Variants in COBLL1 observed in about 807,000 individuals in gnomAD.
COBLL1 encodes the protein cordon-bleu WH2 repeat protein like 1.
Under a neutral mutation model 94.8 loss-of-function variants are expected in COBLL1, and 50 were observed. The observed-to-expected ratio is 0.53, with a 90% confidence interval of 0.42 to 0.67. COBLL1 has a LOEUF of 0.67. COBLL1 is among the 30% of genes least tolerant of loss of function. The pLI, the probability that COBLL1 is intolerant of heterozygous loss-of-function variation, is 0.00. For missense variants in COBLL1, 1,362 were observed against 1,348.7 expected (o/e 1.01, Z -0.15); for synonymous variants, 448 against 473.8 (o/e 0.95, Z 0.71).
chr2:164,839,474 G>A (rs1042093774), intron 2 of COBLL1, among the ~76,000 whole-genome samples: 3 of 152,158 alleles, frequency 2.0e-5, no homozygotes, highest in African/African-American at 7.2e-5. Context: ...TCTTACTACA[G>A]TTATGCTTGC....
chr2:164,840,446 G>T (rs1317199229), intron 2 of COBLL1, among the ~76,000 whole-genome samples: 1 of 152,038 alleles, frequency 6.6e-6, no homozygotes, highest in East Asian at 1.9e-4. Flanking sequence ...TTACTCAAAC[G>T]CTTAACAAGG....
At chr2:164,823,495 T>C (rs571591265) in intron 2 of COBLL1, among the ~76,000 whole-genome samples, 1 of 152,210 alleles carries the variant, frequency 6.6e-6, no homozygotes, top group South Asian at 2.1e-4. Context: ...TTACCCTCCT[T>C]CACCGCAGCA....
chr2:164,789,395 C>G (rs1683062456), intron 2 of COBLL1, among the ~76,000 whole-genome samples: 1 of 152,160 alleles, frequency 6.6e-6, no homozygotes, highest in Non-Finnish European at 1.5e-5. Context: ...TTTTGTCATA[C>G]ATATCCTGTC....
chr2:164,749,249 T>C (rs1307858635), intron 2 of COBLL1, among the ~76,000 whole-genome samples: 4 of 152,326 alleles, frequency 2.6e-5, no homozygotes, highest in South Asian at 2.1e-4. Context: ...GTATTTATCA[T>C]ATTTATAAAG....
At chr2:164,696,014 C>CAT in intron 11 of COBLL1, 178 bp from the exon 12 acceptor site, 1 of 538,522 alleles carries the variant, frequency 1.9e-6, no homozygotes, top group Non-Finnish European at 3.2e-6. Context: ...GCTTTGGATT[C>CAT]ATACAGACTG....
At position 164,741,370 on chromosome 2, in the gene COBLL1, C is replaced by T. The variant is rs565164297; in HGVS notation, c.230+2317G>A. Among the ~76,000 whole-genome samples the T allele has an allele frequency of 1.6e-4, 25 of 152,094 alleles. No individual in the cohort carries two copies. The East Asian group carries it at 4.3e-3, about 26-fold the overall frequency. ...AGGAGAAAATAAGGTATCCCAATCT[C>T]CAGGCTAGGTAGTTTGGACTCCTTT... On this transcript the variant is annotated intron_variant, in intron 3 of 13. Transcript: ENST00000652658.
Position 164,704,982 on chromosome 2 carries a change from G to A in COBLL1, c.1120C>T (p.His374Tyr), listed in dbSNP as rs149060063. The change falls in exon 8 of 14, where the codon CAT (histidine) becomes TAT (tyrosine). Residue 374 changes from histidine to tyrosine, a missense_variant. His to Tyr is a moderately conservative substitution (Grantham distance 83). Transcript: ENST00000652658. ...APSPPSKIPP[H>Y]QSDENSRVTA... ...ACACGACTATTTTCATCACTTTGAT[G>A]CGGGGGTATTTTGGAGGGTGGGGAA... is the stretch of plus-strand genomic sequence containing the variant. The A allele has an allele frequency of 1.7e-5, 27 of 1,596,186 alleles. No homozygotes were observed. In the African/African-American group the frequency reaches 3.4e-4, roughly 20 times the overall value.
intron 13 of COBLL1, 42 bp downstream of exon 13, chr2:164,692,179 G>A: frequency 6.7e-7 from 1 of 1,502,176 alleles, no homozygotes; most frequent in Non-Finnish European, 8.9e-7. Context: ...TGACAATGGT[G>A]ACAATAAACC....
chr2:164,791,133 A>C (rs548178453), intron 2 of COBLL1, among the ~76,000 whole-genome samples: 3 of 152,276 alleles, frequency 2.0e-5, no homozygotes, highest in African/African-American at 7.2e-5. Context: ...TCTGCCAGAG[A>C]TATAATAGAC....
intron 2 of COBLL1, among the ~76,000 whole-genome samples, chr2:164,764,822 A>C (rs1030734368): frequency 2.0e-5 from 3 of 152,246 alleles, no homozygotes; most frequent in Admixed American, 2.0e-4. Context: ...AGTTATTAAT[A>C]ATAAAAACTA....
At chr2:164,687,663 A>T (rs1294678354) in intron 13 of COBLL1, 1 of 816,168 alleles carries the variant, frequency 1.2e-6, no homozygotes, top group Non-Finnish European at 2.1e-6. Context: ...AAGGTCCCTT[A>T]GAGCAACCTA....
chr2:164,812,370 T>C (rs1684501584), intron 2 of COBLL1, among the ~76,000 whole-genome samples: 1 of 152,024 alleles, frequency 6.6e-6, no homozygotes, highest in African/African-American at 2.4e-5. Context: ...GTGAAGTAAA[T>C]AAGGCATGCA....
intron 2 of COBLL1, among the ~76,000 whole-genome samples, chr2:164,783,295 C>A (rs1688797914): frequency 6.6e-6 from 1 of 152,070 alleles, no homozygotes; most frequent in South Asian, 2.1e-4. Flanking sequence ...TGCTTGTGGT[C>A]CCAGCTACTC....
chr2:164,669,232 C>T (rs1329887248), intron 1 of COBLL1, among the ~76,000 whole-genome samples: 2 of 152,126 alleles, frequency 1.3e-5, no homozygotes, highest in East Asian at 1.9e-4. Context: ...ATTCAATAGC[C>T]TTTGTTACAT....
chr2:164,769,480 C>A (rs933136623), intron 2 of COBLL1, among the ~76,000 whole-genome samples: 1 of 152,140 alleles, frequency 6.6e-6, no homozygotes, highest in Non-Finnish European at 1.5e-5. Context: ...TATATATTAT[C>A]CCCAGTCATC....
intron 2 of COBLL1, among the ~76,000 whole-genome samples, chr2:164,805,363 A>ATATATATATATATATATATATATAT (rs1553480466): frequency 8.6e-6 from 1 of 115,888 alleles, no homozygotes; most frequent in African/African-American, 3.4e-5. Flanking sequence ...ATATATATAT[A>ATATATATATATATATATATATATAT]AAACTAAAGT....
rs199956378 is a variant in COBLL1 at position 164,779,746 on chromosome 2, T to G, written c.42-35871A>C. On this transcript the variant is annotated intron_variant, in intron 2 of 13. Transcript: ENST00000652658. ...AGACCACACAGACTAGGGCCTTCCTTCAGGTCTTTCTTCATCAGCCTCTGT... is the reference window on the plus strand; with the variant it reads ...AGACCACACAGACTAGGGCCTTCCTGCAGGTCTTTCTTCATCAGCCTCTGT... The G allele has an allele frequency of 8.7e-4, 410 of 470,928 alleles. 1 individual carries two copies. Among genetic ancestry groups the G allele is most frequent in the Middle Eastern group, 6.8e-3 (21 of 3,074 alleles). The allele number at this position is 470,928 out of a possible 1,614,324, so 29.2% of individuals were successfully genotyped here. A position where few individuals can be genotyped will look rare whatever the true frequency, so the allele number is the denominator to read the frequency against.
rs189573580 is a variant in COBLL1, at chr2:164,660,424, A to G, written n.181+5423T>C. Among the ~76,000 whole-genome samples the G allele has an allele frequency of 2.0e-4, 30 of 152,220 alleles. 2 individuals are homozygous for G. In the East Asian group the frequency reaches 4.1e-3, roughly 21 times the overall value. ...AAAGTGTCAACGAAATTATACTGCA[A>G]CCTGATTCAGGAGGGCCACGAGGGG... On this transcript the variant is annotated intron_variant and non_coding_transcript_variant, in intron 2 of 2. Transcript: ENST00000495084.
intron 2 of COBLL1, among the ~76,000 whole-genome samples, chr2:164,832,086 A>G (rs1475476225): frequency 1.3e-5 from 2 of 151,774 alleles, no homozygotes; most frequent in African/African-American, 4.8e-5. Context: ...AGCCCCCGCT[A>G]CTCCCCTTGG....
Sources: gnomAD v4.1 joint callset for allele counts (sites outside exome capture counted in the v4.1 genomes callset) on GRCh38, gnomAD v4.1.1 for gene constraint, MANE v1.5 for transcripts, NCBI Gene and HGNC (gene_info 2026-07-23, HGNC 2026-07-21) for gene names.